Variants in DPYD observed in about 807,000 individuals in gnomAD.
DPYD encodes the protein dihydropyrimidine dehydrogenase.
Under a neutral mutation model 116.2 loss-of-function variants are expected in DPYD, and 109 were observed. That is an observed-to-expected ratio of 0.94 (90% CI 0.80 to 1.10). DPYD has a LOEUF of 1.10. Ranked by LOEUF, DPYD falls within the 50% of genes least tolerant of loss-of-function variation. The pLI, the probability that DPYD is intolerant of heterozygous loss-of-function variation, is 0.00. For missense variants in DPYD, 1,302 were observed against 1,254.5 expected (o/e 1.04, Z -0.57); for synonymous variants, 440 against 432.0 (o/e 1.02, Z -0.23).
chr1:97,752,953 G>GT (rs1665014249), intron 3 of DPYD, among the ~76,000 whole-genome samples: 1 of 152,034 alleles, frequency 6.6e-6, no homozygotes, highest in African/African-American at 2.4e-5. Context: ...CAATAATCCA[G>GT]TTTTTGTACA....
intron 16 of DPYD, among the ~76,000 whole-genome samples, chr1:97,365,831 G>T (rs199731351): frequency 6.6e-6 from 1 of 152,102 alleles, no homozygotes; most frequent in East Asian, 1.9e-4. Context: ...ACGGGGTTTC[G>T]CCATGTTGCC....
chr1:97,224,666 C>G (rs1660995362), intron 19 of DPYD, among the ~76,000 whole-genome samples: 1 of 151,788 alleles, frequency 6.6e-6, no homozygotes, highest in South Asian at 2.1e-4. Context: ...TTGTAACCTT[C>G]CTACTTCATG....
At chr1:97,206,638 T>TTATATATATATATATA (rs57893705) in intron 19 of DPYD, among the ~76,000 whole-genome samples, 2 of 48,982 alleles carry the variant, frequency 4.1e-5, no homozygotes, top group Non-Finnish European at 5.8e-5. Flanking sequence ...CAGGGAGATT[T>TTATATATATATATATA]TATATATATA....
chr1:97,715,212 G>A (rs1200864691), intron 5 of DPYD, among the ~76,000 whole-genome samples: 1 of 151,986 alleles, frequency 6.6e-6, no homozygotes, highest in African/African-American at 2.4e-5. Flanking sequence ...CAGCATTTTT[G>A]AGTGAGATAT....
chr1:97,221,044 G>A (rs1441069064), intron 19 of DPYD, among the ~76,000 whole-genome samples: 1 of 152,166 alleles, frequency 6.6e-6, no homozygotes, highest in Non-Finnish European at 1.5e-5. Context: ...TACTCAGCAC[G>A]TGGAAAGAAT....
chr1:97,831,378 C>A (rs1390810704), intron 2 of DPYD, among the ~76,000 whole-genome samples: 1 of 152,156 alleles, frequency 6.6e-6, no homozygotes, highest in Non-Finnish European at 1.5e-5. Context: ...TTAAAGACAA[C>A]TGCAGGTAAA....
chr1:97,894,628 TTATA>T (rs1316710521), intron 1 of DPYD, among the ~76,000 whole-genome samples: 5 of 151,734 alleles, frequency 3.3e-5, no homozygotes, highest in Non-Finnish European at 5.9e-5. Flanking sequence ...TAGCTATTAA[TTATA>T]TATCTTTATT....
intron 15 of DPYD, among the ~76,000 whole-genome samples, chr1:97,375,266 G>C (rs1463935327): frequency 6.6e-6 from 1 of 152,002 alleles, no homozygotes; most frequent in Non-Finnish European, 1.5e-5. Context: ...CCTTTCTTTA[G>C]GGCAACAGTT....
At chr1:97,149,542 C>T (rs6593632) in intron 20 of DPYD, among the ~76,000 whole-genome samples, 109,776 of 152,164 alleles carry the variant, frequency 0.72, 41,264 homozygotes, top group East Asian at 0.99. Context: ...CCTGACTCAC[C>T]GCGTCCAGCT....
intron 8 of DPYD, among the ~76,000 whole-genome samples, chr1:97,631,483 A>G (rs1657256533): frequency 6.6e-6 from 1 of 152,074 alleles, no homozygotes; most frequent in African/African-American, 2.4e-5. Flanking sequence ...GCATTTTGCA[A>G]TCATAAGTGC....
chr1:97,799,022 G>A (rs1333717), intron 3 of DPYD, among the ~76,000 whole-genome samples: 111,991 of 151,772 alleles, frequency 0.74, 41,977 homozygotes, highest in East Asian at 0.98. Flanking sequence ...TAGACATTAC[G>A]TCTCTACTTG....
chr1:97,798,335 A>G (rs1240375954), intron 3 of DPYD, among the ~76,000 whole-genome samples: 1 of 151,332 alleles, frequency 6.6e-6, no homozygotes, highest in Non-Finnish European at 1.5e-5. Context: ...CCATCTAGTC[A>G]TACACAGAAT....
At chr1:97,877,480 C>G (rs556774203) in intron 2 of DPYD, among the ~76,000 whole-genome samples, 2 of 152,128 alleles carry the variant, frequency 1.3e-5, no homozygotes, top group East Asian at 3.9e-4. Flanking sequence ...GGTCACGTGA[C>G]TTGCATGCCT....
chr1:97,215,454 G>A (rs915690779), intron 19 of DPYD, among the ~76,000 whole-genome samples: 2 of 151,990 alleles, frequency 1.3e-5, no homozygotes, highest in Non-Finnish European at 2.9e-5. Context: ...TTACAATAGC[G>A]TCTCTAGAGA....
chr1:97,896,194 AT>A (rs1355298708), intron 1 of DPYD, among the ~76,000 whole-genome samples: 1 of 151,810 alleles, frequency 6.6e-6, no homozygotes, highest in African/African-American at 2.4e-5. Flanking sequence ...ATTGAACTAT[AT>A]CAATCAAATT....
intron 20 of DPYD, among the ~76,000 whole-genome samples, chr1:97,128,428 G>A (rs1000327764): frequency 1.3e-5 from 2 of 152,034 alleles, no homozygotes; most frequent in African/African-American, 4.8e-5. Context: ...AGCTGAGTGT[G>A]GTTAGAGTTA....
At chr1:97,306,514 G>A (rs572588402) in intron 16 of DPYD, among the ~76,000 whole-genome samples, 1 of 151,782 alleles carries the variant, frequency 6.6e-6, no homozygotes, top group Admixed American at 6.6e-5. Flanking sequence ...ATCACATAAA[G>A]GTTAAATTCC....
At chr1:97,100,450 A>G (rs1650586382) in intron 20 of DPYD, among the ~76,000 whole-genome samples, 2 of 152,076 alleles carry the variant, frequency 1.3e-5, no homozygotes, top group African/African-American at 4.8e-5. Flanking sequence ...ATATACTCAA[A>G]GACTATCAAG....
rs552009058 is a variant in DPYD, at chr1:97,693,248, G to A, written c.681-1450C>T. ...GGAGCTTGCAGTGAGCCAAGATCAT[G>A]CCACTGCACTCCAGCCTGGGCGACA... On this transcript the variant is annotated intron_variant, in intron 6 of 22. Coordinates refer to ENST00000370192, the MANE Select transcript of DPYD (RefSeq NM_000110.4). 9.3e-5 allele frequency among the ~76,000 whole-genome samples: 12 copies of A among 128,780 alleles called. No individual in the cohort carries two copies. The South Asian group carries it at 2.0e-3, about 22-fold the overall frequency. The allele number at this position is 128,780 out of a possible 152,430, so 84.5% of individuals were successfully genotyped here.
Sources: gnomAD v4.1 joint callset for allele counts (sites outside exome capture counted in the v4.1 genomes callset) on GRCh38, gnomAD v4.1.1 for gene constraint, MANE v1.5 for transcripts, NCBI Gene and HGNC (gene_info 2026-07-23, HGNC 2026-07-21) for gene names.